The following FBXW4 variants were observed in gnomAD, a reference collection of about 807,000 sequenced individuals.
FBXW4 encodes the protein F-box/WD repeat-containing protein 4.
Under a neutral mutation model 61.8 loss-of-function variants are expected in FBXW4, and 40 were observed. The observed-to-expected ratio is 0.65, with a 90% CI of 0.50 to 0.84. The LOEUF (loss-of-function observed/expected upper bound fraction) is 0.84. Ranked by LOEUF, FBXW4 falls within the 40% of genes least tolerant of loss-of-function variation. The probability of loss-of-function intolerance (pLI) is 0.00; values close to 1 mark genes in which losing one functional copy is unlikely to be tolerated. For synonymous variants in FBXW4, 311 were observed against 313.8 expected, an observed-to-expected ratio of 0.99 and a Z score of 0.10; for missense variants, 672 against 753.8, an observed-to-expected ratio of 0.89 and a Z score of 1.27.
intron 3 of FBXW4, 80 bp from the exon 4 acceptor site, chr10:101,673,127 C>G (rs1050563117): frequency 2.8e-5 from 43 of 1,535,236 alleles, no homozygotes; most frequent in Non-Finnish European, 3.7e-5. Context: ...AGAAACAGCC[C>G]AAGTCTCCAG....
At chr10:101,678,697 G>A (rs571069476) in intron 1 of FBXW4, among the ~76,000 whole-genome samples, 1 of 152,200 alleles carries the variant, frequency 6.6e-6, no homozygotes, top group African/African-American at 2.4e-5. Context: ...CAAAGTGCTG[G>A]GATTACAGGC....
intron 5 of FBXW4, among the ~76,000 whole-genome samples, chr10:101,645,943 C>T (rs2064092182): frequency 6.6e-6 from 1 of 152,094 alleles, no homozygotes; most frequent in Non-Finnish European, 1.5e-5. Flanking sequence ...TCTCTTGGGT[C>T]TCAGTTTCCT....
intron 4 of FBXW4, among the ~76,000 whole-genome samples, chr10:101,669,742 G>T (rs1048410503): frequency 1.3e-4 from 19 of 144,216 alleles, no homozygotes; most frequent in Non-Finnish European, 2.4e-4. Context: ...CCCTGGAAAA[G>T]ATTCAGTGGG....
intron 5 of FBXW4, among the ~76,000 whole-genome samples, chr10:101,663,956 G>A (rs574138517): frequency 3.3e-5 from 5 of 152,284 alleles, no homozygotes; most frequent in Admixed American, 2.0e-4. Flanking sequence ...AAGGGTATGC[G>A]AGAGGCAGAA....
At position 101,611,650 on chromosome 10, in the gene FBXW4, C is replaced by T. The variant is rs749692949; in HGVS notation, c.1562G>A (p.Arg521Gln). 112 of 1,614,042 alleles carry T rather than the reference C, an allele frequency of 6.9e-5. No homozygotes were observed. Among genetic ancestry groups the T allele is most frequent in the Non-Finnish European group, 9.0e-5 (106 of 1,180,022 alleles). The change falls in exon 8 of 9, where the codon CGG becomes CAG. Residue 521 changes from arginine to glutamine, a missense_variant. Physicochemically the swap from Arg to Gln is conservative, Grantham distance 43 (BLOSUM62 1). Coordinates refer to ENST00000331272, the MANE Select transcript of FBXW4 (RefSeq NM_022039.4). This position sits in a 1 kb window ranked among gnomAD's most constrained non-coding sequence, Gnocchi z 4.9. ...SYYGVVRLWD[R>Q]RQRACLHAFP... ...TACGTGCAGGCAGGCCCTTTGACGC[C>T]GGTCCCACAGCCGTACAACACCGTA... is the stretch of plus-strand genomic sequence containing the variant.
chr10:101,670,865 G>C (rs2064352105), intron 4 of FBXW4, among the ~76,000 whole-genome samples: 1 of 152,238 alleles, frequency 6.6e-6, no homozygotes, highest in Admixed American at 6.5e-5. Flanking sequence ...TGGGCTTGTG[G>C]GGAGGGGAAG....
chr10:101,659,279 G>A (rs2064220555), intron 5 of FBXW4: 1 of 573,398 alleles, frequency 1.7e-6, no homozygotes, highest in Non-Finnish European at 2.2e-6. Context: ...AGGTTACCTG[G>A]CATAGAAGGG....
At chr10:101,644,967 C>G (rs1157651050) in intron 5 of FBXW4, among the ~76,000 whole-genome samples, 1 of 152,138 alleles carries the variant, frequency 6.6e-6, no homozygotes, top group Non-Finnish European at 1.5e-5. Context: ...CAGTTTGGCA[C>G]ATGGTTTGTA....
chr10:101,638,125 TGA>T (rs777589630), intron 5 of FBXW4, among the ~76,000 whole-genome samples: 1 of 152,200 alleles, frequency 6.6e-6, no homozygotes, highest in East Asian at 1.9e-4. Flanking sequence ...GAAAGATACC[TGA>T]CCATATGTAA....
At chr10:101,659,710 T>C (rs552108613) in intron 5 of FBXW4, among the ~76,000 whole-genome samples, 7 of 152,206 alleles carry the variant, frequency 4.6e-5, no homozygotes, top group Non-Finnish European at 8.8e-5. Flanking sequence ...TCTGAATACA[T>C]AGATCTGGGA....
intron 1 of FBXW4, among the ~76,000 whole-genome samples, chr10:101,684,708 G>T (rs1387310173): frequency 6.6e-6 from 1 of 152,238 alleles, no homozygotes; most frequent in Non-Finnish European, 1.5e-5. Context: ...AGCAGCCAAA[G>T]ATAAGAACCT....
chr10:101,659,122 C>A (rs186380826), intron 5 of FBXW4, among the ~76,000 whole-genome samples: 46 of 152,138 alleles, frequency 3.0e-4, no homozygotes, highest in African/African-American at 1.1e-3. Context: ...TCTGTCGGCC[C>A]GTGTCCCAGA....
Position 101,611,429 on chromosome 10 carries a change from G to GAAGT in FBXW4, c.1585-23_1585-20dup. On this transcript the variant is annotated intron_variant, in intron 8 of 8. Coordinates refer to ENST00000331272, the MANE Select transcript of FBXW4 (RefSeq NM_022039.4). The surrounding 1 kb of genome is among the most constrained non-coding windows in gnomAD (Gnocchi z 4.9). Reference sequence around the variant, plus strand: ...GGAAGGCCTGGAAGGGAGGGCACAGGAAGTGGTAAGAGCTTTCCAAGTGGG... The same window carrying GAAGT: ...GGAAGGCCTGGAAGGGAGGGCACAGGAAGTAAGTGGTAAGAGCTTTCCAAGTGGG... The GAAGT allele has an allele frequency of 6.2e-7, 1 of 1,610,408 alleles. No homozygotes were observed. The highest frequency in any genetic ancestry group is 1.1e-5 in the South Asian group (1 of 90,394).
At chr10:101,672,164 T>C (rs370390474) in intron 4 of FBXW4, among the ~76,000 whole-genome samples, 4 of 152,184 alleles carry the variant, frequency 2.6e-5, no homozygotes, top group East Asian at 1.9e-4. Context: ...CAAGACACTA[T>C]TGGGCCTCCT....
intron 5 of FBXW4, among the ~76,000 whole-genome samples, chr10:101,629,591 C>A (rs2063935155): frequency 6.6e-6 from 1 of 151,936 alleles, no homozygotes; most frequent in African/African-American, 2.4e-5. Context: ...GCCCCACTTT[C>A]CCTATTTTAC....
chr10:101,614,024 C>T (rs1032781388), intron 6 of FBXW4, among the ~76,000 whole-genome samples: 16 of 152,242 alleles, frequency 1.1e-4, no homozygotes, highest in Admixed American at 6.5e-5. Context: ...CAGAGAAGCC[C>T]TGCCTTCCCA....
chr10:101,685,734 C>T (rs977026897), intron 1 of FBXW4, among the ~76,000 whole-genome samples: 1 of 152,086 alleles, frequency 6.6e-6, no homozygotes, highest in Non-Finnish European at 1.5e-5. Context: ...CTTTAATGTA[C>T]TATCAAAAAT....
At chr10:101,649,231 C>G (rs1589759031) in intron 5 of FBXW4, among the ~76,000 whole-genome samples, 1 of 152,124 alleles carries the variant, frequency 6.6e-6, no homozygotes, top group Non-Finnish European at 1.5e-5. Flanking sequence ...TTTCATCTCT[C>G]TCCTCCATCA....
intron 1 of FBXW4, among the ~76,000 whole-genome samples, chr10:101,680,781 T>A (rs1030842268): frequency 2.6e-5 from 4 of 152,374 alleles, no homozygotes; most frequent in African/African-American, 9.6e-5. Flanking sequence ...AGTCATTAAA[T>A]GACAGCTTAT....
Sources: gnomAD v4.1 joint callset for allele counts (sites outside exome capture counted in the v4.1 genomes callset) on GRCh38, gnomAD v4.1.1 for gene constraint, Gnocchi (gnomAD v3.1) non-coding constraint, MANE v1.5 for transcripts, NCBI Gene and HGNC (gene_info 2026-07-23, HGNC 2026-07-21) for gene names.